Variants in FBXO34 observed in about 807,000 individuals in gnomAD.
FBXO34 encodes the protein F-box only protein 34.
In FBXO34, 12 loss-of-function variants were observed where a neutral mutation model predicts 24.5. The observed-to-expected ratio is 0.49, with a 90% CI of 0.31 to 0.79. The LOEUF is 0.79. FBXO34 is among the 30% of genes least tolerant of loss of function. FBXO34 has a pLI of 0.04. For synonymous variants in FBXO34, 320 were observed against 311.9 expected, an observed-to-expected ratio of 1.03 and a Z score of -0.27; for missense variants, 823 against 857.7, an observed-to-expected ratio of 0.96 and a Z score of 0.51.
At chr14:55,433,830 T>A in the FBXO34 span, 1 of 914,670 alleles carries the variant, frequency 1.1e-6, no homozygotes, top group Non-Finnish European at 1.6e-6. Context: ...ATGGGAAAAC[T>A]AAATGTCTGG....
chr14:55,347,471 G>A (rs935143029), intron 1 of FBXO34, among the ~76,000 whole-genome samples: 1 of 152,168 alleles, frequency 6.6e-6, no homozygotes, highest in African/African-American at 2.4e-5. Context: ...CTCAAACCCA[G>A]CAAATGATGG....
chr14:55,380,822 C>A, the FBXO34 span: 1 of 338,792 alleles, frequency 3.0e-6, no homozygotes, highest in Non-Finnish European at 5.3e-6. Context: ...ATAGATGCTC[C>A]ATGACCAGAC....
the FBXO34 span, chr14:55,396,102 G>T: frequency 3.1e-6 from 2 of 653,766 alleles, no homozygotes; most frequent in South Asian, 3.2e-5. Flanking sequence ...TATCAAAACG[G>T]GACTTAGCAT....
chr14:55,393,680 G>A, the FBXO34 span, among the ~76,000 whole-genome samples: 5 of 151,802 alleles, frequency 3.3e-5, no homozygotes, highest in Non-Finnish European at 7.4e-5. Context: ...AAGTAGCTGG[G>A]ACTACAGGTA....
intron 1 of FBXO34, 134 bp from the exon 2 acceptor site, chr14:55,350,247 G>A (rs1184355151): frequency 5.3e-6 from 3 of 569,650 alleles, no homozygotes; most frequent in South Asian, 3.4e-5. Flanking sequence ...TCATGAGAGA[G>A]TTGGTAAAGA....
the FBXO34 span, among the ~76,000 whole-genome samples, chr14:55,421,078 A>AAAG: frequency 6.7e-6 from 1 of 148,680 alleles, no homozygotes; most frequent in African/African-American, 2.5e-5. Context: ...AAAAAAAAAA[A>AAAG]GAAAAAAGAA....
the FBXO34 span, among the ~76,000 whole-genome samples, chr14:55,424,420 G>A: frequency 3.3e-5 from 5 of 152,120 alleles, no homozygotes; most frequent in Non-Finnish European, 7.4e-5. Flanking sequence ...AGTGTCCTAG[G>A]TAATATCTTA....
chr14:55,430,227 G>C, the FBXO34 span, among the ~76,000 whole-genome samples: 1 of 152,026 alleles, frequency 6.6e-6, no homozygotes, highest in Admixed American at 6.6e-5. Context: ...CCTATTTTTA[G>C]GCTGTAAATC....
chr14:55,286,666 A>C (rs151250277), intron 1 of FBXO34, among the ~76,000 whole-genome samples: 1 of 152,184 alleles, frequency 6.6e-6, no homozygotes, highest in African/African-American at 2.4e-5. Context: ...CGAAATTTCC[A>C]CACTAGTTAC....
At chr14:55,343,048 C>G (rs1041867980) in intron 1 of FBXO34, among the ~76,000 whole-genome samples, 3 of 152,112 alleles carry the variant, frequency 2.0e-5, no homozygotes, top group Non-Finnish European at 4.4e-5. Context: ...TATATATCTG[C>G]AGCACTTTGC....
chr14:55,402,926 AATATATATATATATATATATATATAT>A, the FBXO34 span, among the ~76,000 whole-genome samples: 32 of 16,402 alleles, frequency 2.0e-3, no homozygotes, highest in Middle Eastern at 0.042. Context: ...AAAAAAAAAA[AATATATATATATATATATATATATAT>A]ATATATATAT....
chr14:55,325,423 C>T (rs898586001), intron 1 of FBXO34, among the ~76,000 whole-genome samples: 1 of 151,682 alleles, frequency 6.6e-6, no homozygotes, highest in African/African-American at 2.4e-5. Flanking sequence ...AGAATACAGT[C>T]TAACATGTTT....
At chr14:55,439,510 C>G in the FBXO34 span, among the ~76,000 whole-genome samples, 1 of 144,738 alleles carries the variant, frequency 6.9e-6, no homozygotes. Context: ...AGGCGGGGGG[C>G]CAGGAGTGGT....
chr14:55,380,505 A>T, the FBXO34 span: 1 of 1,051,240 alleles, frequency 9.5e-7, no homozygotes, highest in Non-Finnish European at 1.4e-6. Flanking sequence ...TTATTGGAAT[A>T]AATAAAGACA....
chr14:55,293,206 TCTCA>T (rs1251957963), intron 1 of FBXO34, among the ~76,000 whole-genome samples: 1 of 151,976 alleles, frequency 6.6e-6, no homozygotes, highest in Non-Finnish European at 1.5e-5. Flanking sequence ...TGAGACAGGT[TCTCA>T]CTCTGCCACC....
intron 1 of FBXO34, among the ~76,000 whole-genome samples, chr14:55,281,835 C>G (rs1050903573): frequency 1.3e-5 from 2 of 152,062 alleles, no homozygotes; most frequent in African/African-American, 4.8e-5. Context: ...CTAATAAATT[C>G]TAAGCTTCAT....
chr14:55,436,671 G>T, the FBXO34 span: 1 of 1,614,220 alleles, frequency 6.2e-7, no homozygotes, highest in Non-Finnish European at 8.5e-7. Context: ...GAGAGGGCTG[G>T]ACTGAGTCAG....
At chr14:55,295,807 G>A (rs556159336) in intron 1 of FBXO34, among the ~76,000 whole-genome samples, 44 of 152,280 alleles carry the variant, frequency 2.9e-4, no homozygotes, top group African/African-American at 1.0e-3. Context: ...GTCTTACAGA[G>A]GAACTTCACT....
chr14:55,435,438 G>C, the FBXO34 span, among the ~76,000 whole-genome samples: 4 of 152,032 alleles, frequency 2.6e-5, no homozygotes, highest in Non-Finnish European at 5.9e-5. Flanking sequence ...ACAACATCCA[G>C]CTAATTTTTG....
Sources: gnomAD v4.1 joint callset for allele counts (sites outside exome capture counted in the v4.1 genomes callset) on GRCh38, gnomAD v4.1.1 for gene constraint, MANE v1.5 for transcripts, NCBI Gene and HGNC (gene_info 2026-07-23, HGNC 2026-07-21) for gene names.